The following PCDHGB5 variants were observed in gnomAD, a reference collection of about 807,000 sequenced individuals.
The protein encoded by PCDHGB5 is protocadherin gamma-B5.
PCDHGB5 carries 48 observed loss-of-function variants against 62.9 expected under a neutral mutation model. That is an observed-to-expected ratio of 0.76 (90% confidence interval 0.61 to 0.97). The LOEUF (loss-of-function observed/expected upper bound fraction) is 0.97, where lower values mean the gene tolerates loss of function less well. PCDHGB5 is among the 50% of genes least tolerant of loss of function. PCDHGB5 has a pLI of 0.00. For synonymous variants in PCDHGB5, 474 were observed against 511.2 expected, an observed-to-expected ratio of 0.93 and a Z score of 0.98; for missense variants, 1,118 against 1,198.6, an observed-to-expected ratio of 0.93 and a Z score of 0.99.
chr5:141,486,401 G>T lies in PCDHGB5; in HGVS notation c.2398-8406G>T. 6.2e-7 allele frequency: 1 copy of T among 1,614,174 alleles called. No individual in the cohort carries two copies. On this transcript the variant is annotated intron_variant, in intron 1 of 3. Transcript: ENST00000617380. The surrounding 1 kb of genome is among the most constrained non-coding windows in gnomAD (Gnocchi z 5.0). ...CAGGAACCAGTTCTCCCTGGTGACT[G>T]CTGGACCCTTGGATCGAGAGGCCAA...
At chr5:141,463,367 C>G (rs1437952082) in intron 1 of PCDHGB5, among the ~76,000 whole-genome samples, 1 of 151,748 alleles carries the variant, frequency 6.6e-6, no homozygotes, top group African/African-American at 2.4e-5. Context: ...CCTTTCCTGC[C>G]CCACAGTCTG....
At position 141,430,558 on chromosome 5, in the gene PCDHGB5, G is replaced by A. The variant is rs1472516429; in HGVS notation, c.2397+30034G>A. 2.2e-5 allele frequency: 9 copies of A among 417,488 alleles called. No homozygotes were observed. In the East Asian group the frequency reaches 3.3e-4, roughly 15 times the overall value. The allele number at this position is 417,488 out of a possible 1,614,324, so 25.9% of individuals were successfully genotyped here. On this transcript the variant is annotated intron_variant, in intron 1 of 3. Transcript: ENST00000617380. ...TCTGAGCGCCGCTGTTCACCAATCGGGGAGAGAAAAGCGGAGATCCTGCTC... is the reference window on the plus strand; with the variant it reads ...TCTGAGCGCCGCTGTTCACCAATCGAGGAGAGAAAAGCGGAGATCCTGCTC...
rs542248328 is a variant in PCDHGB5, at chr5:141,432,682, C to T, written c.2397+32158C>T. ...TGGACAGAGACGCGCTCAAGCAGAG[C>T]CTCGTAGTGGCCGTCCAGGACCACG... On this transcript the variant is annotated intron_variant, in intron 1 of 3. Coordinates refer to ENST00000617380, the MANE Select transcript of PCDHGB5 (RefSeq NM_018925.3). This position sits in a 1 kb window ranked among gnomAD's most constrained non-coding sequence, Gnocchi z 6.0. The T allele has an allele frequency of 6.5e-5, 105 of 1,613,976 alleles. No homozygotes were observed. In the African/African-American group the frequency reaches 1.1e-3, roughly 17 times the overall value.
intron 1 of PCDHGB5, chr5:141,412,334 T>C (rs371361193): frequency 2.0e-5 from 3 of 152,262 alleles, no homozygotes; most frequent in Admixed American, 1.3e-4. Flanking sequence ...GCAACTGTAA[T>C]ATATGTTCAT....
rs375768001 is a variant in PCDHGB5 at position 141,399,834 on chromosome 5, G to C, written c.1707G>C (p.Ala569=). The change falls in exon 1 of 4, where the codon GCG becomes GCC. Residue 569 remains alanine, a synonymous_variant. Coordinates refer to ENST00000617380, the MANE Select transcript of PCDHGB5 (RefSeq NM_018925.3). ...CCGCGCTGGGTCCCGACGGCTCTGC[G>C]CTCTTCGATATGGTGCCGCGCGCTG... ...LYPALGPDGS[A]LFDMVPRAAE... 2.4e-5 allele frequency: 39 copies of C among 1,613,004 alleles called. No homozygotes were observed. The highest frequency in any genetic ancestry group is 2.9e-5 in the Non-Finnish European group (34 of 1,179,786).
chr5:141,422,062 A>C, intron 1 of PCDHGB5: 4 of 1,612,140 alleles, frequency 2.5e-6, no homozygotes, highest in Non-Finnish European at 3.4e-6. Context: ...CGGGGAAGTA[A>C]TGTATTCATT....
At chr5:141,510,286 A>G (rs1011677966) in intron 3 of PCDHGB5, among the ~76,000 whole-genome samples, 1 of 151,770 alleles carries the variant, frequency 6.6e-6, no homozygotes, top group African/African-American at 2.4e-5. Flanking sequence ...AAAAAAAAAA[A>G]AAAAATGCTG....
At chr5:141,404,769 A>C (rs528627644) in intron 1 of PCDHGB5, 1 of 1,611,124 alleles carries the variant, frequency 6.2e-7, no homozygotes, top group South Asian at 1.1e-5. Context: ...TGGCTCTCCT[A>C]CCGCCTATTC....
chr5:141,471,630 G>T (rs2099261496), intron 1 of PCDHGB5: 1 of 152,108 alleles, frequency 6.6e-6, no homozygotes, highest in African/African-American at 2.4e-5. Context: ...GCATTGGTAT[G>T]GATTAGTAAT....
At chr5:141,421,825 AG>A in intron 1 of PCDHGB5, 1 of 1,613,802 alleles carries the variant, frequency 6.2e-7, no homozygotes. Flanking sequence ...ACTGGAGGGA[AG>A]CCTGGACCGA....
intron 1 of PCDHGB5, chr5:141,404,766 C>T (rs1489047184): frequency 6.2e-7 from 1 of 1,613,940 alleles, no homozygotes; most frequent in East Asian, 2.2e-5. Flanking sequence ...GCTTGGCTCT[C>T]CTACCGCCTA....
In PCDHGB5 at chr5:141,486,397, G is replaced by T; in HGVS notation, c.2398-8410G>T. 6.2e-7 allele frequency: 1 copy of T among 1,614,164 alleles called. No individual in the cohort carries two copies. Among genetic ancestry groups the T allele is most frequent in the East Asian group, 2.2e-5 (1 of 44,872 alleles). On this transcript the variant is annotated intron_variant, in intron 1 of 3. Coordinates refer to ENST00000617380, the MANE Select transcript of PCDHGB5 (RefSeq NM_018925.3). The surrounding 1 kb of genome is among the most constrained non-coding windows in gnomAD (Gnocchi z 5.0). ...CCTTCAGGAACCAGTTCTCCCTGGTGACTGCTGGACCCTTGGATCGAGAGG... is the reference window on the plus strand; with the variant it reads ...CCTTCAGGAACCAGTTCTCCCTGGTTACTGCTGGACCCTTGGATCGAGAGG...
intron 1 of PCDHGB5, chr5:141,427,900 C>T (rs1351712272): frequency 2.5e-6 from 4 of 1,571,732 alleles, no homozygotes; most frequent in Non-Finnish European, 3.5e-6. Flanking sequence ...GGCTCGCCCG[C>T]GCTCAGCGCC....
intron 1 of PCDHGB5, among the ~76,000 whole-genome samples, chr5:141,406,263 TC>T (rs1163660392): frequency 3.9e-5 from 6 of 151,964 alleles, no homozygotes; most frequent in Non-Finnish European, 8.8e-5. Flanking sequence ...CAAACGATCT[TC>T]CTGCTTCAGT....
chr5:141,441,627 G>C (rs1239011684), intron 1 of PCDHGB5: 1 of 223,512 alleles, frequency 4.5e-6, no homozygotes, highest in Non-Finnish European at 9.0e-6. Context: ...CAGTGACCTG[G>C]AGCCACAGGC....
At chr5:141,401,058 T>A (rs967099811) in intron 1 of PCDHGB5, among the ~76,000 whole-genome samples, 1 of 152,236 alleles carries the variant, frequency 6.6e-6, no homozygotes, top group African/African-American at 2.4e-5. Flanking sequence ...AAATACTATA[T>A]GTTGGCTGGG....
chr5:141,421,871 C>CT, intron 1 of PCDHGB5: 1 of 1,613,756 alleles, frequency 6.2e-7, no homozygotes, highest in East Asian at 2.2e-5. Flanking sequence ...CTCCTCACAG[C>CT]TTTAGATGGA....
chr5:141,409,220 G>A (rs1327857530), intron 1 of PCDHGB5: 1 of 1,613,988 alleles, frequency 6.2e-7, no homozygotes, highest in Non-Finnish European at 8.5e-7. Context: ...AATCCTTGAT[G>A]AAAACGACAA....
intron 1 of PCDHGB5, chr5:141,421,420 G>A: frequency 6.2e-7 from 1 of 1,614,084 alleles, no homozygotes; most frequent in Admixed American, 1.7e-5. Context: ...GAAGCGCGGA[G>A]TCCGCATCGT....
Sources: gnomAD v4.1 joint callset for allele counts (sites outside exome capture counted in the v4.1 genomes callset) on GRCh38, gnomAD v4.1.1 for gene constraint, Gnocchi (gnomAD v3.1) non-coding constraint, MANE v1.5 for transcripts, NCBI Gene and HGNC (gene_info 2026-07-23, HGNC 2026-07-21) for gene names.